The following TNPO3 variants were observed in gnomAD, a reference collection of about 807,000 sequenced individuals.
TNPO3 encodes the protein transportin-3.
Under a neutral mutation model 122.8 loss-of-function variants are expected in TNPO3, and 65 were observed. The observed-to-expected ratio is 0.53, with a 90% confidence interval of 0.43 to 0.65. The LOEUF is 0.65. Ranked by LOEUF, TNPO3 falls within the 30% of genes least tolerant of loss-of-function variation. The pLI, the probability that TNPO3 is intolerant of heterozygous loss-of-function variation, is 0.00. For synonymous variants in TNPO3, 372 were observed against 411.2 expected (o/e 0.90, Z 1.15); for missense variants, 850 against 1,136.7 (o/e 0.75, Z 3.63).
intron 8 of TNPO3, 106 bp from the exon 9 acceptor site, chr7:128,994,020 T>A (rs1801032450): frequency 2.0e-6 from 2 of 1,004,578 alleles, no homozygotes. Flanking sequence ...CAAGTTTCAA[T>A]GAACAAAAGT....
chr7:129,031,363 G>GAAAA (rs1805930517), intron 1 of TNPO3, among the ~76,000 whole-genome samples: 1 of 151,804 alleles, frequency 6.6e-6, no homozygotes, highest in South Asian at 2.1e-4. Context: ...ATAAAAGTCA[G>GAAAA]GATATTACTA....
At chr7:129,051,145 T>TAAA (rs77733877) in intron 1 of TNPO3, among the ~76,000 whole-genome samples, 1 of 147,450 alleles carries the variant, frequency 6.8e-6, no homozygotes, top group Non-Finnish European at 1.5e-5. Context: ...AACAAAATGT[T>TAAA]AAAAAAAAAA....
At chr7:128,984,836 G>A (rs571767957) in intron 12 of TNPO3, among the ~76,000 whole-genome samples, 7 of 152,268 alleles carry the variant, frequency 4.6e-5, no homozygotes, top group Non-Finnish European at 1.0e-4. Context: ...TTAAAAAAAA[G>A]TTACAAAAGC....
Position 129,000,414 on chromosome 7 carries a change from T to C in TNPO3, c.1011+15A>G, listed in dbSNP as rs373745582. ...AACTTGGAGAATAATGGCCTTTGAA[T>C]AGCATAAACACTACCTCATATTGAG... On this transcript the variant is annotated intron_variant, in intron 7 of 22. Transcript: ENST00000265388. The C allele has an allele frequency of 2.3e-5, 37 of 1,589,528 alleles. No individual in the cohort carries two copies. The highest frequency in any genetic ancestry group is 2.7e-5 in the African/African-American group (2 of 74,096).
chr7:129,035,237 G>GCACTA lies in TNPO3; in HGVS notation c.121-17081_121-17080insTAGTG, dbSNP rs537702578. 2.6e-4 allele frequency among the ~76,000 whole-genome samples: 40 copies of GCACTA among 152,332 alleles called. 1 individual carries two copies. In the South Asian group the frequency reaches 3.9e-3, roughly 15 times the overall value. ...TGCAGTGAGCCGAGATAGAGCCACT[G>GCACTA]CAGTCCGGCCTGGGCGAAAGAGCGA... On this transcript the variant is annotated intron_variant, in intron 1 of 22. Coordinates refer to ENST00000265388, the MANE Select transcript of TNPO3 (RefSeq NM_012470.4).
chr7:129,039,639 T>C (rs578045097), intron 1 of TNPO3, among the ~76,000 whole-genome samples: 1 of 152,172 alleles, frequency 6.6e-6, no homozygotes, highest in African/African-American at 2.4e-5. Flanking sequence ...TATAGCACTA[T>C]TCACAAACGA....
chr7:129,028,557 A>G (rs190242493), intron 1 of TNPO3, among the ~76,000 whole-genome samples: 43 of 152,382 alleles, frequency 2.8e-4, no homozygotes, highest in Admixed American at 2.2e-3. Context: ...GGAATGCTAC[A>G]AAAAGATCAA....
chr7:128,984,119 A>C (rs893950100), intron 13 of TNPO3, 49 bp downstream of exon 13: 5 of 1,205,560 alleles, frequency 4.1e-6, no homozygotes, highest in Non-Finnish European at 4.6e-6. Flanking sequence ...TTCATTTTTA[A>C]CATGTAAACA....
intron 1 of TNPO3, among the ~76,000 whole-genome samples, chr7:129,021,563 G>A (rs777543032): frequency 2.6e-5 from 4 of 151,918 alleles, no homozygotes; most frequent in African/African-American, 7.3e-5. Flanking sequence ...GGAAGAAAAG[G>A]TTGGAAGTAT....
intron 1 of TNPO3, 150 bp downstream of exon 1, chr7:129,054,501 G>A (rs1041115420): frequency 1.6e-6 from 2 of 1,274,418 alleles, no homozygotes; most frequent in African/African-American, 3.0e-5. Context: ...AAGCGGCAAA[G>A]ATGTAGCTTC....
At position 128,975,918 on chromosome 7, in the gene TNPO3, G is replaced by C. The variant is rs199826657; in HGVS notation, c.2079C>G (p.His693Gln). Reference protein sequence around the residue: ...PLVTQMVNVYHVHQHSCFLYL... With the variant: ...PLVTQMVNVYQVHQHSCFLYL... ...ACAGGAAGCAGGAATGCTGATGTAC[G>C]TGGTACACATTCACCATCTGTTGAG... The change falls in exon 17 of 23, where the codon CAC (histidine) becomes CAG (glutamine). Residue 693 changes from histidine to glutamine, a missense_variant. Transcript: ENST00000265388. The C allele has an allele frequency of 6.2e-7, 1 of 1,612,352 alleles. No homozygotes were observed. Among genetic ancestry groups the C allele is most frequent in the Non-Finnish European group, 8.5e-7 (1 of 1,178,390 alleles).
chr7:129,004,655 C>G (rs1290096619), intron 5 of TNPO3, among the ~76,000 whole-genome samples: 1 of 152,146 alleles, frequency 6.6e-6, no homozygotes, highest in Non-Finnish European at 1.5e-5. Flanking sequence ...TTTTCCTAAA[C>G]TTGTGATGCA....
intron 7 of TNPO3, among the ~76,000 whole-genome samples, chr7:128,998,064 T>C (rs1801527468): frequency 6.6e-6 from 1 of 151,152 alleles, no homozygotes; most frequent in South Asian, 2.1e-4. Context: ...CTCAGGATGG[T>C]TTTGAACTCC....
chr7:128,986,806 A>C lies in TNPO3; in HGVS notation c.1613T>G (p.Phe538Cys), dbSNP rs1249625689. ...GCGGGCAATCTCCAGGAGTCCATTA[A>C]AGTGCTGAGCCATGTGATCTCGGCA... ...SVCRDHMAQH[F>C]NGLLEIARSL... Residue 538 changes from phenylalanine to cysteine, a missense_variant, in exon 12 of 23, where the codon TTT (phenylalanine) becomes TGT (cysteine). By Grantham distance (205) the Phe-to-Cys change is radical. Coordinates refer to ENST00000265388, the MANE Select transcript of TNPO3 (RefSeq NM_012470.4). 1 of 1,614,068 alleles carries C rather than the reference A, an allele frequency of 6.2e-7. No homozygotes were observed. The highest frequency in any genetic ancestry group is 8.5e-7 in the Non-Finnish European group (1 of 1,180,014).
At chr7:128,987,393 T>C (rs1219376726) in intron 11 of TNPO3, among the ~76,000 whole-genome samples, 1 of 152,200 alleles carries the variant, frequency 6.6e-6, no homozygotes, top group African/African-American at 2.4e-5. Flanking sequence ...CAAAAGGCCT[T>C]AAAAATAGGC....
chr7:128,990,641 G>C (rs1224035851), intron 10 of TNPO3, among the ~76,000 whole-genome samples: 2 of 152,152 alleles, frequency 1.3e-5, no homozygotes, highest in African/African-American at 4.8e-5. Context: ...CTAATTGAAA[G>C]AACAAGAAAA....
At position 129,005,162 on chromosome 7, in the gene TNPO3, G is replaced by A; in HGVS notation, c.553-3C>T. 1 of 1,608,044 alleles carries A rather than the reference G, an allele frequency of 6.2e-7. No homozygotes were observed. Among genetic ancestry groups the A allele is most frequent in the Non-Finnish European group, 8.5e-7 (1 of 1,177,820 alleles). On this transcript the variant is annotated splice_polypyrimidine_tract_variant and splice_region_variant and intron_variant, in intron 4 of 22. Coordinates refer to ENST00000265388, the MANE Select transcript of TNPO3 (RefSeq NM_012470.4). ...CCTGCTTTTTCTACACAGGTCATCT[G>A]AATAGAGAAAAAAACTTAAAATGAA...
intron 11 of TNPO3, 103 bp from the exon 12 acceptor site, chr7:128,987,023 G>T (rs1233328510): frequency 1.3e-5 from 16 of 1,232,788 alleles, no homozygotes; most frequent in Non-Finnish European, 1.7e-5. Context: ...TAAAGCAAAA[G>T]AACCCTTTTA....
chr7:128,999,137 C>T (rs902759702), intron 7 of TNPO3, among the ~76,000 whole-genome samples: 2 of 152,212 alleles, frequency 1.3e-5, no homozygotes, highest in Admixed American at 1.3e-4. Flanking sequence ...TGAGCCACTG[C>T]GCCCGGCCAG....
Sources: allele counts gnomAD v4.1 joint callset (sites outside exome capture counted in the v4.1 genomes callset), GRCh38; gene constraint gnomAD v4.1.1; transcripts MANE v1.5; gene names NCBI Gene and HGNC (gene_info 2026-07-23, HGNC 2026-07-21).